The following CSNK2A1 variants were observed in gnomAD, a reference collection of about 807,000 sequenced individuals.
CSNK2A1 encodes casein kinase 2 alpha 1.
CSNK2A1 carries 10 observed loss-of-function variants against 62.9 expected under a neutral mutation model. The ratio of observed to expected loss-of-function variants is 0.16; its 90% CI spans 0.10 to 0.27. The LOEUF is 0.27. Ranked by LOEUF, CSNK2A1 falls within the 10% of genes least tolerant of loss-of-function variation. The probability of loss-of-function intolerance (pLI) is 1.00; values close to 1 mark genes in which losing one functional copy is unlikely to be tolerated. For missense variants in CSNK2A1, 160 were observed against 492.0 expected (o/e 0.33, Z 6.38); for synonymous variants, 124 against 167.8 (o/e 0.74, Z 2.02).
intron 9 of CSNK2A1, among the ~76,000 whole-genome samples, chr20:490,346 TTTTTTAG>T (rs1285019989): frequency 3.7e-5 from 5 of 136,656 alleles, no homozygotes; most frequent in Non-Finnish European, 6.1e-5. Flanking sequence ...TTTTTTTTTT[TTTTTTAG>T]TTTTTTTTTT....
intron 2 of CSNK2A1, among the ~76,000 whole-genome samples, chr20:522,425 C>A (rs1332866557): frequency 6.6e-6 from 1 of 152,234 alleles, no homozygotes; most frequent in Non-Finnish European, 1.5e-5. Flanking sequence ...TCCATAACCA[C>A]AATTTAATCT....
rs2017970638 is a variant in CSNK2A1, at chr20:482,345, C to G, written c.*1616G>C. ...CTATTGTGCTTAAAAAACTAGGCTT[C>G]CTCAGTGAAGCACCTGATAAACTTA... On this transcript the variant is annotated 3_prime_UTR_variant, in exon 14 of 14. Transcript: ENST00000217244. 6.6e-6 allele frequency: 1 copy of G among 152,160 alleles called. No homozygotes were observed. Among genetic ancestry groups the G allele is most frequent in the African/African-American group, 2.4e-5 (1 of 41,436 alleles). 9.4% of individuals were successfully genotyped at this position (152,160 alleles called of 1,614,324 possible). A position where few individuals can be genotyped will look rare whatever the true frequency, so the allele number is the denominator to read the frequency against.
chr20:473,820 C>T lies in CSNK2A1; in HGVS notation c.*10141G>A, dbSNP rs900402723. On this transcript the variant is annotated 3_prime_UTR_variant, in exon 14 of 14. Transcript: ENST00000217244. ...CTTAGATTTGAAGCCAGTTGATTGT[C>T]TTCTGATCTCAGCTCTCCAGAAGAC... is the stretch of plus-strand genomic sequence containing the variant. 6.6e-6 allele frequency: 1 copy of T among 152,246 alleles called. No homozygotes were observed. Among genetic ancestry groups the T allele is most frequent in the Non-Finnish European group, 1.5e-5 (1 of 68,070 alleles). 9.4% of individuals were successfully genotyped at this position (152,246 alleles called of 1,614,324 possible).
At chr20:490,486 A>AC (rs201565951) in intron 9 of CSNK2A1, among the ~76,000 whole-genome samples, 2,840 of 137,826 alleles carry the variant, frequency 0.021, 96 homozygotes, top group African/African-American at 0.071. Flanking sequence ...GCTCATTGCA[A>AC]CTCAGCTTCC....
At chr20:531,051 T>G (rs2019201998) in intron 1 of CSNK2A1, among the ~76,000 whole-genome samples, 1 of 152,030 alleles carries the variant, frequency 6.6e-6, no homozygotes, top group Admixed American at 6.5e-5. Flanking sequence ...GCCATTGCAC[T>G]CCAGCCTGGG....
intron 12 of CSNK2A1, 47 bp downstream of exon 12, chr20:487,380 G>A (rs770573633): frequency 1.9e-6 from 3 of 1,611,736 alleles, no homozygotes; most frequent in Non-Finnish European, 1.7e-6. Context: ...CTGTTCTATA[G>A]GACTCTGCGC....
intron 9 of CSNK2A1, among the ~76,000 whole-genome samples, chr20:490,636 C>T (rs1297995611): frequency 1.3e-5 from 2 of 150,398 alleles, no homozygotes; most frequent in Non-Finnish European, 3.0e-5. Context: ...GAGCTCCTGA[C>T]CTTGTGATCC....
intron 13 of CSNK2A1, among the ~76,000 whole-genome samples, chr20:484,690 G>C (rs994904961): frequency 7.5e-6 from 1 of 133,940 alleles, no homozygotes; most frequent in African/African-American, 3.1e-5. Context: ...CTCTAATCAT[G>C]TTTTTGTGTG....
chr20:530,208 T>G (rs1305824558), intron 1 of CSNK2A1, among the ~76,000 whole-genome samples: 1 of 152,210 alleles, frequency 6.6e-6, no homozygotes, highest in Non-Finnish European at 1.5e-5. Context: ...TCTGTCTTCA[T>G]GTATTTGCCT....
At position 479,652 on chromosome 20, in the gene CSNK2A1, A is replaced by C. The variant is rs2017915768; in HGVS notation, c.*4309T>G. The C allele has an allele frequency of 6.6e-6, 1 of 152,248 alleles. No homozygotes were observed. Among genetic ancestry groups the C allele is most frequent in the African/African-American group, 2.4e-5 (1 of 41,462 alleles). The allele number at this position is 152,248 out of a possible 1,614,324, so 9.4% of individuals were successfully genotyped here. A position where few individuals can be genotyped will look rare whatever the true frequency, so the allele number is the denominator to read the frequency against. The stretch of plus-strand genomic sequence containing the variant: ...ACATTACATTGCTTCTCTAATGGTT[A>C]AATTTAGCACAGAATCAAAGGAGAG... On this transcript the variant is annotated 3_prime_UTR_variant, in exon 14 of 14. Transcript: ENST00000217244.
chr20:503,934 T>C (rs1264072428), intron 4 of CSNK2A1, among the ~76,000 whole-genome samples: 1 of 152,182 alleles, frequency 6.6e-6, no homozygotes, highest in African/African-American at 2.4e-5. Flanking sequence ...TCCCAGCACT[T>C]TGGGAGGCCG....
At chr20:528,526 C>G (rs2019144605) in intron 1 of CSNK2A1, among the ~76,000 whole-genome samples, 1 of 152,196 alleles carries the variant, frequency 6.6e-6, no homozygotes, top group Non-Finnish European at 1.5e-5. Flanking sequence ...AGCAATCCTC[C>G]TCCTTCAGCT....
At chr20:515,530 TAC>T (rs1476037319) in intron 2 of CSNK2A1, among the ~76,000 whole-genome samples, 1 of 152,158 alleles carries the variant, frequency 6.6e-6, no homozygotes, top group Non-Finnish European at 1.5e-5. Context: ...GAATATCCAA[TAC>T]AGTTACAGCT....
intron 1 of CSNK2A1, among the ~76,000 whole-genome samples, chr20:536,046 C>G (rs2019314614): frequency 6.6e-6 from 1 of 152,066 alleles, no homozygotes; most frequent in Non-Finnish European, 1.5e-5. Context: ...GGGAATATTA[C>G]CTTCTCTATC....
chr20:525,458 C>T (rs1305507420), intron 2 of CSNK2A1, among the ~76,000 whole-genome samples: 1 of 151,596 alleles, frequency 6.6e-6, no homozygotes, highest in Non-Finnish European at 1.5e-5. Flanking sequence ...CGAGACCACC[C>T]TGGCTAACAT....
At chr20:485,974 G>A (rs773778987) in intron 13 of CSNK2A1, among the ~76,000 whole-genome samples, 2 of 152,150 alleles carry the variant, frequency 1.3e-5, no homozygotes, top group Non-Finnish European at 2.9e-5. Flanking sequence ...TAGTTGCTCT[G>A]GCACATGTCA....
chr20:502,982 A>G (rs1287367764), intron 4 of CSNK2A1: 1 of 151,728 alleles, frequency 6.6e-6, no homozygotes, highest in Non-Finnish European at 1.5e-5. Context: ...CCTAACTACT[A>G]CCCTCTTCTG....
chr20:528,515 A>G (rs1210752725), intron 1 of CSNK2A1, among the ~76,000 whole-genome samples: 2 of 152,176 alleles, frequency 1.3e-5, no homozygotes, highest in East Asian at 3.8e-4. Context: ...TCCCAGGCTC[A>G]AGCAATCCTC....
At chr20:528,908 C>T (rs2019153435) in intron 1 of CSNK2A1, among the ~76,000 whole-genome samples, 2 of 152,252 alleles carry the variant, frequency 1.3e-5, no homozygotes, top group African/African-American at 4.8e-5. Flanking sequence ...TTCTGTTCTA[C>T]AGCAAGGGAC....
Sources: gnomAD v4.1 joint callset for allele counts (sites outside exome capture counted in the v4.1 genomes callset) on GRCh38, gnomAD v4.1.1 for gene constraint, MANE v1.5 for transcripts, NCBI Gene and HGNC (gene_info 2026-07-23, HGNC 2026-07-21) for gene names.